Variants in OTUD7A observed in about 807,000 individuals in gnomAD.
OTUD7A encodes the protein OTU domain-containing protein 7A.
A neutral mutation model predicts 65.7 loss-of-function variants in OTUD7A; 12 were observed. That is an observed-to-expected ratio of 0.18 (90% CI 0.12 to 0.30). OTUD7A has a LOEUF of 0.30. Among genes scored for constraint, OTUD7A ranks in the 10% least tolerant of loss-of-function variants. The pLI is 1.00. For missense variants in OTUD7A, 1,148 were observed against 1,304.8 expected (o/e 0.88, Z 1.85); for synonymous variants, 641 against 586.3 (o/e 1.09, Z -1.35).
chr15:31,646,222 C>T (rs1460633605), intron 3 of OTUD7A, among the ~76,000 whole-genome samples: 1 of 152,022 alleles, frequency 6.6e-6, no homozygotes, highest in Non-Finnish European at 1.5e-5. Flanking sequence ...AAGGGAATGG[C>T]ATGGAATTCC....
chr15:31,529,852 G>C (rs2042062970), intron 6 of OTUD7A, among the ~76,000 whole-genome samples: 1 of 152,204 alleles, frequency 6.6e-6, no homozygotes, highest in South Asian at 2.1e-4. Context: ...CTGCATTCCT[G>C]TGTGAGGGTT....
chr15:31,559,819 C>T (rs1888632088), intron 4 of OTUD7A, among the ~76,000 whole-genome samples: 1 of 152,178 alleles, frequency 6.6e-6, no homozygotes, highest in Admixed American at 6.5e-5. Context: ...TATGCATACA[C>T]ACGTACACAT....
intron 1 of OTUD7A, among the ~76,000 whole-genome samples, chr15:31,826,235 G>A (rs1203907053): frequency 6.6e-6 from 1 of 152,248 alleles, no homozygotes. Flanking sequence ...GCAAACTTCT[G>A]TCTGGGCATC....
intron 8 of OTUD7A, among the ~76,000 whole-genome samples, chr15:31,510,403 GGA>G (rs1357694952): frequency 6.6e-6 from 1 of 150,794 alleles, no homozygotes; most frequent in Non-Finnish European, 1.5e-5. Context: ...TTCCCCTAGA[GGA>G]GCGACTGGCA....
intron 3 of OTUD7A, among the ~76,000 whole-genome samples, chr15:31,613,167 T>C (rs937728802): frequency 1.1e-4 from 16 of 152,146 alleles, no homozygotes; most frequent in African/African-American, 3.4e-4. Context: ...ATGACTTATA[T>C]ATAAGACCTG....
intron 1 of OTUD7A, among the ~76,000 whole-genome samples, chr15:31,744,896 G>C (rs1894436424): frequency 6.6e-6 from 1 of 151,926 alleles, no homozygotes; most frequent in South Asian, 2.1e-4. Context: ...GTTGGAAAAT[G>C]ATTATATACT....
At chr15:31,812,752 T>C (rs1297585092) in intron 1 of OTUD7A, among the ~76,000 whole-genome samples, 2 of 152,152 alleles carry the variant, frequency 1.3e-5, no homozygotes, top group East Asian at 3.8e-4. Flanking sequence ...TGTCCCCGAG[T>C]ACATGGTATA....
At chr15:31,505,894 C>T (rs2041555029) in intron 8 of OTUD7A, among the ~76,000 whole-genome samples, 3 of 151,982 alleles carry the variant, frequency 2.0e-5, no homozygotes, top group South Asian at 2.1e-4. Context: ...GGACTACAGG[C>T]GCCCGCCACC....
intron 1 of OTUD7A, among the ~76,000 whole-genome samples, chr15:31,812,701 C>T (rs1044639253): frequency 4.6e-5 from 7 of 152,126 alleles, no homozygotes; most frequent in African/African-American, 1.7e-4. Context: ...CTATCCCCTG[C>T]TCCCACTCCC....
At chr15:31,663,286 T>C (rs1402249903) in intron 1 of OTUD7A, among the ~76,000 whole-genome samples, 1 of 106,290 alleles carries the variant, frequency 9.4e-6, no homozygotes, top group Non-Finnish European at 1.9e-5. Flanking sequence ...CACACACAAG[T>C]TTTTAAAAAT....
intron 5 of OTUD7A, chr15:31,556,008 ATTTG>A (rs747845879): frequency 6.6e-6 from 1 of 151,876 alleles, no homozygotes; most frequent in Non-Finnish European, 1.5e-5. Flanking sequence ...TGCTTGGCTA[ATTTG>A]TTTATTATTT....
At chr15:31,523,204 C>T (rs1395592440) in intron 8 of OTUD7A, among the ~76,000 whole-genome samples, 2 of 152,260 alleles carry the variant, frequency 1.3e-5, no homozygotes, top group Non-Finnish European at 2.9e-5. Context: ...GGGTTAGCTT[C>T]CAGCTGGCTT....
chr15:31,796,832 T>C (rs1358936580), intron 1 of OTUD7A, among the ~76,000 whole-genome samples: 1 of 152,184 alleles, frequency 6.6e-6, no homozygotes, highest in African/African-American at 2.4e-5. Context: ...CCTCCCAGTT[T>C]TAAGTGATTT....
chr15:31,661,037 G>C (rs1215293977), intron 1 of OTUD7A, among the ~76,000 whole-genome samples: 1 of 152,186 alleles, frequency 6.6e-6, no homozygotes, highest in African/African-American at 2.4e-5. Context: ...TCTGTTCAGG[G>C]GCCATGACTG....
chr15:31,676,776 C>T (rs1348195951), intron 1 of OTUD7A, among the ~76,000 whole-genome samples: 1 of 152,182 alleles, frequency 6.6e-6, no homozygotes, highest in Non-Finnish European at 1.5e-5. Context: ...GGAAAAGGAC[C>T]ACATTATAAA....
chr15:31,784,212 A>G (rs1446415730), intron 1 of OTUD7A, among the ~76,000 whole-genome samples: 5 of 152,234 alleles, frequency 3.3e-5, no homozygotes, highest in Non-Finnish European at 7.3e-5. Flanking sequence ...TGTGGCAACT[A>G]ATTTTAAGAA....
At chr15:31,523,059 C>T (rs2041959822) in intron 8 of OTUD7A, among the ~76,000 whole-genome samples, 2 of 152,224 alleles carry the variant, frequency 1.3e-5, no homozygotes. Context: ...TTCTTCTCGC[C>T]ATCATGCCTG....
chr15:31,503,460 C>G (rs2041505182), intron 9 of OTUD7A, among the ~76,000 whole-genome samples: 1 of 152,210 alleles, frequency 6.6e-6, no homozygotes, highest in African/African-American at 2.4e-5. Flanking sequence ...GGTCCTGGTC[C>G]TCACATGACC....
intron 3 of OTUD7A, among the ~76,000 whole-genome samples, chr15:31,594,345 A>G (rs1283083554): frequency 6.6e-6 from 1 of 152,212 alleles, no homozygotes; most frequent in Non-Finnish European, 1.5e-5. Context: ...CATGAGAAAT[A>G]AATCACTTCA....
Sources: allele counts gnomAD v4.1 joint callset (sites outside exome capture counted in the v4.1 genomes callset), GRCh38; gene constraint gnomAD v4.1.1; transcripts MANE v1.5; gene names NCBI Gene and HGNC (gene_info 2026-07-23, HGNC 2026-07-21).